Variants in MYH10 observed in about 807,000 individuals in gnomAD.
The protein encoded by MYH10 is myosin-10.
Under a neutral mutation model 257.8 loss-of-function variants are expected in MYH10, and 55 were observed. The ratio of observed to expected loss-of-function variants is 0.21; its 90% CI spans 0.17 to 0.27. MYH10 has a LOEUF of 0.27. Among genes scored for constraint, MYH10 ranks in the 10% least tolerant of loss-of-function variants. The pLI is 1.00. For synonymous variants in MYH10, 854 were observed against 921.7 expected (o/e 0.93, Z 1.33); for missense variants, 1,631 against 2,500.6 (o/e 0.65, Z 7.42).
chr17:8,504,725 G>C lies in MYH10; in HGVS notation c.3568C>G (p.Leu1190Val). The C allele has an allele frequency of 6.2e-7, 1 of 1,614,156 alleles. No homozygotes were observed. The change falls in exon 28 of 43, where the codon CTG becomes GTG. Residue 1190 changes from leucine to valine, a missense_variant. Leu to Val is a conservative substitution (Grantham distance 32, BLOSUM62 1). Transcript: ENST00000360416. This position sits in a 1 kb window ranked among gnomAD's most constrained non-coding sequence, Gnocchi z 5.6. ...TCCTGCTGGGCTGCCGTGGTGTCCA[G>C]CGTGTCCTCCAGCTCTGTTTTCAGA... ...EALKTELEDT[L>V]DTTAAQQELR...
Position 8,546,511 on chromosome 17 carries a change from C to T in MYH10, c.1278+33G>A, listed in dbSNP as rs768524849. 7 of 1,554,286 alleles carry T rather than the reference C, an allele frequency of 4.5e-6. No individual in the cohort carries two copies. The Admixed American group carries it at 1.2e-4, about 26-fold the overall frequency. ...AAATGGCCATGGCTTATCATTCAAACAAATCAGTAATAACAATGAACATGA... is the reference window on the plus strand; with the variant it reads ...AAATGGCCATGGCTTATCATTCAAATAAATCAGTAATAACAATGAACATGA... On this transcript the variant is annotated intron_variant, in intron 12 of 42. Coordinates refer to ENST00000360416, the MANE Select transcript of MYH10 (RefSeq NM_001256012.3).
At chr17:8,478,496 G>A (rs773641567) in intron 40 of MYH10, 50 bp from the exon 41 acceptor site, 1 of 1,559,028 alleles carries the variant, frequency 6.4e-7, no homozygotes, top group Non-Finnish European at 8.8e-7. Flanking sequence ...GGTATTTTGT[G>A]TGGGAAAAAA....
chr17:8,492,528 G>T lies in MYH10; in HGVS notation c.4459-19C>A. 2 of 1,590,868 alleles carry T rather than the reference G, an allele frequency of 1.3e-6. No homozygotes were observed. Among genetic ancestry groups the T allele is most frequent in the Non-Finnish European group, 1.7e-6 (2 of 1,168,714 alleles). ...CTAACAGCTGTGCAGAAGGGGATGG[G>T]GGAATACGAAAAACCGAAACAGTGA... On this transcript the variant is annotated intron_variant, in intron 33 of 42. Transcript: ENST00000360416.
rs1172580950 is a variant in MYH10 at position 8,504,522 on chromosome 17, C to T, written c.3599+172G>A. Among the ~76,000 whole-genome samples, 1 of 152,202 alleles carries T rather than the reference C, an allele frequency of 6.6e-6. No individual in the cohort carries two copies. On this transcript the variant is annotated intron_variant, in intron 28 of 42. Coordinates refer to ENST00000360416, the MANE Select transcript of MYH10 (RefSeq NM_001256012.3). The surrounding 1 kb of genome is among the most constrained non-coding windows in gnomAD (Gnocchi z 5.6). ...CCCACCCACCCCTGCACAGGTATTT[C>T]TACCCATAGGCTGGTCTGTTTCTAA... is the stretch of plus-strand genomic sequence containing the variant.
At chr17:8,518,581 T>C in intron 21 of MYH10, 50 bp downstream of exon 21, 1 of 1,563,208 alleles carries the variant, frequency 6.4e-7, no homozygotes, top group African/African-American at 1.4e-5. Context: ...AATGCTTATC[T>C]AGCACAAGCA....
At position 8,477,045 on chromosome 17, in the gene MYH10, C is replaced by G. The variant is rs764632417; in HGVS notation, c.5710G>C (p.Glu1904Gln). The G allele has an allele frequency of 1.7e-5, 27 of 1,613,932 alleles. No individual in the cohort carries two copies. Among genetic ancestry groups the G allele is most frequent in the Non-Finnish European group, 2.1e-5 (25 of 1,180,046 alleles). ...TGCTTCATCCGAGCGTTGGCCTTCT[C>G]CATCTTGGGGAGGGTACATGAACCA... ...RHADQYKEQMEKANARMKQLK... is the reference protein window; with the variant it reads ...RHADQYKEQMQKANARMKQLK... The change falls in exon 42 of 43, where the codon GAG becomes CAG. Residue 1904 changes from glutamate (E) to glutamine (Q), a missense_variant. Transcript: ENST00000360416. The surrounding 1 kb of genome is among the most constrained non-coding windows in gnomAD (Gnocchi z 4.2).
intron 32 of MYH10, 70 bp downstream of exon 32, chr17:8,493,663 G>A: frequency 1.3e-6 from 2 of 1,518,130 alleles, no homozygotes; most frequent in South Asian, 2.6e-5. Flanking sequence ...AGACAGCCCA[G>A]CACAGCAGGG....
At chr17:8,546,979 C>G (rs144728181) in intron 11 of MYH10, among the ~76,000 whole-genome samples, 71 of 152,296 alleles carry the variant, frequency 4.7e-4, no homozygotes, top group African/African-American at 1.7e-3. Context: ...CATGATCTCA[C>G]TACTGATCAG....
intron 41 of MYH10, among the ~76,000 whole-genome samples, chr17:8,478,105 CAGG>C (rs1476208482): frequency 1.3e-5 from 2 of 152,208 alleles, no homozygotes; most frequent in African/African-American, 4.8e-5. Flanking sequence ...GTGGAGGAAG[CAGG>C]AGCTTTACAG....
At chr17:8,595,425 C>CTTTTTTTTTTTTT (rs10664342) in intron 3 of MYH10, among the ~76,000 whole-genome samples, 2 of 84,210 alleles carry the variant, frequency 2.4e-5, no homozygotes, top group African/African-American at 1.2e-4. Context: ...AAGAACAGTT[C>CTTTTTTTTTTTTT]TTTTTTTTTT....
chr17:8,602,171 G>A (rs1437568945), intron 3 of MYH10, among the ~76,000 whole-genome samples: 1 of 152,074 alleles, frequency 6.6e-6, no homozygotes, highest in African/African-American at 2.4e-5. Context: ...ATACAGACGG[G>A]GTTTCACCGT....
chr17:8,542,381 T>A, intron 13 of MYH10, 101 bp from the exon 14 acceptor site: 1 of 995,654 alleles, frequency 1.0e-6, no homozygotes, highest in Non-Finnish European at 1.5e-6. Context: ...TAAACATTAC[T>A]AATTAGGTAG....
At chr17:8,511,025 T>TATATATATATATAC (rs2081255415) in intron 24 of MYH10, 1 of 4,214 alleles carries the variant, frequency 2.4e-4, no homozygotes, top group Non-Finnish European at 4.1e-3. Flanking sequence ...CATATATATA[T>TATATATATATATAC]ATATATATAT....
chr17:8,478,452 A>G lies in MYH10; in HGVS notation c.5598-6T>C, dbSNP rs747253746. The G allele has an allele frequency of 1.2e-6, 2 of 1,613,744 alleles. No individual in the cohort carries two copies. Among genetic ancestry groups the G allele is most frequent in the Non-Finnish European group, 1.7e-6 (2 of 1,179,624 alleles). ...TGTTGGCGGCTGCTCGTTCCCTGTG[A>G]AAGTGGTCACAGTAGTTTTGAAATT... is the stretch of plus-strand genomic sequence containing the variant. On this transcript the variant is annotated splice_region_variant and splice_polypyrimidine_tract_variant and intron_variant, in intron 40 of 42. Coordinates refer to ENST00000360416, the MANE Select transcript of MYH10 (RefSeq NM_001256012.3).
chr17:8,487,716 G>A (rs2151803250), intron 35 of MYH10, 122 bp from the exon 36 acceptor site: 2 of 1,127,522 alleles, frequency 1.8e-6, no homozygotes, highest in East Asian at 4.7e-5. Flanking sequence ...TTACTCTGTA[G>A]AGGTCTCTGT....
At chr17:8,583,901 A>AAGGC (rs1184890076) in intron 4 of MYH10, among the ~76,000 whole-genome samples, 1 of 152,150 alleles carries the variant, frequency 6.6e-6, no homozygotes, top group Non-Finnish European at 1.5e-5. Flanking sequence ...TAAAGCAGTT[A>AAGGC]GAGTCATAAA....
At chr17:8,568,556 G>A (rs533051198) in intron 7 of MYH10, among the ~76,000 whole-genome samples, 38 of 152,112 alleles carry the variant, frequency 2.5e-4, no homozygotes, top group Middle Eastern at 3.4e-3. Flanking sequence ...TTACTCTGGC[G>A]TTCTTGACTT....
intron 7 of MYH10, among the ~76,000 whole-genome samples, chr17:8,567,965 C>T (rs1050184584): frequency 1.3e-5 from 2 of 152,138 alleles, no homozygotes; most frequent in African/African-American, 4.8e-5. Context: ...CTCCTTGGAC[C>T]CTTGCCGGCG....
At chr17:8,484,001 G>A in intron 37 of MYH10, 137 bp downstream of exon 37, 1 of 718,382 alleles carries the variant, frequency 1.4e-6, no homozygotes, top group Non-Finnish European at 2.2e-6. Context: ...TATTAAAAAT[G>A]GATACTTAAA....
Sources: gnomAD v4.1 joint callset for allele counts (sites outside exome capture counted in the v4.1 genomes callset) on GRCh38, gnomAD v4.1.1 for gene constraint, Gnocchi (gnomAD v3.1) non-coding constraint, MANE v1.5 for transcripts, NCBI Gene and HGNC (gene_info 2026-07-23, HGNC 2026-07-21) for gene names.